The following CALCR variants were observed in gnomAD, a reference collection of about 807,000 sequenced individuals.
The protein encoded by CALCR is calcitonin receptor.
A neutral mutation model predicts 59.5 loss-of-function variants in CALCR; 47 were observed. The ratio of observed to expected loss-of-function variants is 0.79; its 90% CI spans 0.63 to 1.01. The LOEUF is 1.01. Among genes scored for constraint, CALCR ranks in the 50% least tolerant of loss-of-function variants. CALCR has a pLI of 0.00. For missense variants in CALCR, 566 were observed against 597.1 expected, an observed-to-expected ratio of 0.95 and a Z score of 0.54; for synonymous variants, 213 against 211.3, an observed-to-expected ratio of 1.01 and a Z score of -0.07.
At chr7:93,496,372 G>A (rs1801203737) in intron 2 of CALCR, among the ~76,000 whole-genome samples, 1 of 151,410 alleles carries the variant, frequency 6.6e-6, no homozygotes, top group Non-Finnish European at 1.5e-5. Context: ...ACACTTTTAT[G>A]GTGTGATAAC....
chr7:93,450,061 T>C (rs1358489755), intron 8 of CALCR, among the ~76,000 whole-genome samples: 7 of 152,060 alleles, frequency 4.6e-5, no homozygotes, highest in African/African-American at 1.4e-4. Flanking sequence ...TTGCACCATT[T>C]TGTAGCATTC....
chr7:93,432,714 T>G (rs1799683222), intron 13 of CALCR, among the ~76,000 whole-genome samples: 1 of 152,196 alleles, frequency 6.6e-6, no homozygotes, highest in African/African-American at 2.4e-5. Flanking sequence ...AATCCTCTTG[T>G]GTTTTTCCAG....
At chr7:93,568,775 C>T (rs1023869673) in intron 2 of CALCR, among the ~76,000 whole-genome samples, 2 of 152,064 alleles carry the variant, frequency 1.3e-5, no homozygotes, top group African/African-American at 2.4e-5. Context: ...AATAGATTCA[C>T]TATGTCTCTT....
At position 93,477,644 on chromosome 7, in the gene CALCR, T is replaced by A. The variant is rs200900623; in HGVS notation, c.230A>T (p.Asp77Val). ...GEGPYCNRTW[D>V]GWLCWDDTPA... is the part of the protein sequence containing the mutation. ...TGTGTCATCCCAGCACAGCCATCCA[T>A]CCCAGGTGCGATTGCAATATGGACC... Residue 77 changes from aspartate (D) to valine (V), a missense_variant, in exon 5 of 14, where the codon GAT (aspartate) becomes GTT (valine). Asp to Val is a radical substitution (Grantham distance 152, BLOSUM62 -3). Coordinates refer to ENST00000426151, the MANE Select transcript of CALCR (RefSeq NM_001742.4). The A allele has an allele frequency of 1.9e-6, 3 of 1,610,828 alleles. No homozygotes were observed. The highest frequency in any genetic ancestry group is 2.5e-6 in the Non-Finnish European group (3 of 1,178,034).
chr7:93,534,046 A>G (rs1469635313), intron 2 of CALCR, among the ~76,000 whole-genome samples: 1 of 151,808 alleles, frequency 6.6e-6, no homozygotes, highest in Non-Finnish European at 1.5e-5. Context: ...TTTTGAAAAT[A>G]CCACTATAAA....
At chr7:93,433,129 G>A (rs983674654) in intron 13 of CALCR, among the ~76,000 whole-genome samples, 4 of 152,104 alleles carry the variant, frequency 2.6e-5, no homozygotes, top group Non-Finnish European at 2.9e-5. Flanking sequence ...GTCATGTTGC[G>A]GTTGGAAACG....
chr7:93,492,975 A>G (rs929312421), intron 2 of CALCR, among the ~76,000 whole-genome samples: 21 of 151,372 alleles, frequency 1.4e-4, no homozygotes, highest in African/African-American at 5.1e-4. Context: ...AAAGCCTCTT[A>G]GGAAGTGGAA....
At chr7:93,437,971 A>T (rs184101832) in intron 11 of CALCR, 89 bp downstream of exon 11, 1 of 1,134,810 alleles carries the variant, frequency 8.8e-7, no homozygotes, top group East Asian at 2.5e-5. Context: ...TTTTGAAGTT[A>T]TAAAACATAT....
At chr7:93,470,708 T>C (rs898192566) in intron 6 of CALCR, among the ~76,000 whole-genome samples, 14 of 151,626 alleles carry the variant, frequency 9.2e-5, no homozygotes, top group Admixed American at 7.2e-4. Context: ...TATATTTATA[T>C]GGAAGATTTG....
chr7:93,555,115 G>A (rs1789562881), intron 2 of CALCR, among the ~76,000 whole-genome samples: 1 of 152,026 alleles, frequency 6.6e-6, no homozygotes, highest in African/African-American at 2.4e-5. Context: ...TGGGCTTGAG[G>A]GCTGCTGGGA....
At chr7:93,549,409 G>A (rs1789389793) in intron 2 of CALCR, among the ~76,000 whole-genome samples, 1 of 152,064 alleles carries the variant, frequency 6.6e-6, no homozygotes, top group Non-Finnish European at 1.5e-5. Flanking sequence ...GGAGAATGAG[G>A]TCCTCTCAAC....
intron 2 of CALCR, among the ~76,000 whole-genome samples, chr7:93,502,075 G>A (rs1046204747): frequency 2.0e-5 from 3 of 152,074 alleles, no homozygotes; most frequent in Non-Finnish European, 4.4e-5. Flanking sequence ...AGAATATATG[G>A]TAGTCTTTGG....
In CALCR at chr7:93,505,646, G is replaced by A. The variant is rs563837728; in HGVS notation, c.-26-18639C>T. Among the ~76,000 whole-genome samples the A allele has an allele frequency of 2.0e-5, 3 of 152,126 alleles. No individual in the cohort carries two copies. The East Asian group carries it at 5.8e-4, about 29-fold the overall frequency. ...AAACTTCTTATCTCCACTATAATAC[G>A]TTAGAAAGACTAAATCAAGAGAGAA... On this transcript the variant is annotated intron_variant, in intron 2 of 13. Coordinates refer to ENST00000426151, the MANE Select transcript of CALCR (RefSeq NM_001742.4).
intron 5 of CALCR, among the ~76,000 whole-genome samples, chr7:93,475,907 G>T (rs1800656780): frequency 2.0e-5 from 3 of 151,758 alleles, no homozygotes; most frequent in African/African-American, 7.3e-5. Context: ...TTTGATAATT[G>T]ATATTTCTCT....
intron 2 of CALCR, among the ~76,000 whole-genome samples, chr7:93,569,929 T>G (rs866467476): frequency 9.2e-4 from 114 of 124,584 alleles, no homozygotes; most frequent in African/African-American, 3.6e-3. Flanking sequence ...ACCATTGATG[T>G]AAAGGGACAC....
chr7:93,545,309 T>C (rs1789256155), intron 2 of CALCR, among the ~76,000 whole-genome samples: 1 of 152,142 alleles, frequency 6.6e-6, no homozygotes, highest in Non-Finnish European at 1.5e-5. Flanking sequence ...AGTGCTGGTT[T>C]TGTTAAATTT....
chr7:93,462,258 A>C (rs1260221736), intron 7 of CALCR: 1 of 516,812 alleles, frequency 1.9e-6, no homozygotes, highest in Admixed American at 3.7e-5. Context: ...AAACAGGTAT[A>C]GGATGTAGAA....
At chr7:93,517,016 G>A (rs1801664481) in intron 2 of CALCR, among the ~76,000 whole-genome samples, 1 of 151,932 alleles carries the variant, frequency 6.6e-6, no homozygotes, top group South Asian at 2.1e-4. Context: ...TTAGAACCAT[G>A]AGAGTATAAA....
chr7:93,461,754 T>G (rs1339133022), intron 7 of CALCR, among the ~76,000 whole-genome samples: 2 of 152,178 alleles, frequency 1.3e-5, no homozygotes, highest in Non-Finnish European at 1.5e-5. Flanking sequence ...GTGTGAATGT[T>G]CACATAAATA....
Sources: allele counts gnomAD v4.1 joint callset (sites outside exome capture counted in the v4.1 genomes callset), GRCh38; gene constraint gnomAD v4.1.1; transcripts MANE v1.5; gene names NCBI Gene and HGNC (gene_info 2026-07-23, HGNC 2026-07-21).